The following ARVCF variants were observed in gnomAD, a reference collection of about 807,000 sequenced individuals.
ARVCF encodes the protein ARVCF delta catenin family member, also known as splicing regulator ARVCF.
In ARVCF, 66 loss-of-function variants were observed where a neutral mutation model predicts 90.9. That is an observed-to-expected ratio of 0.73 (90% CI 0.60 to 0.89). The LOEUF (loss-of-function observed/expected upper bound fraction) is 0.89, where lower values mean the gene tolerates loss of function less well. Ranked by LOEUF, ARVCF falls within the 40% of genes least tolerant of loss-of-function variation. The pLI is 0.00. For missense variants in ARVCF, 1,469 were observed against 1,382.3 expected (o/e 1.06, Z -1.00); for synonymous variants, 653 against 603.4 (o/e 1.08, Z -1.21).
chr22:20,000,370 AGGC>A (rs1321869869), intron 2 of ARVCF, among the ~76,000 whole-genome samples: 3 of 152,212 alleles, frequency 2.0e-5, no homozygotes, highest in Non-Finnish European at 2.9e-5. Flanking sequence ...CCATGGCAAC[AGGC>A]CTAGACACCA....
At chr22:20,007,299 G>C (rs1944665484) in intron 2 of ARVCF, among the ~76,000 whole-genome samples, 2 of 152,198 alleles carry the variant, frequency 1.3e-5, no homozygotes, top group African/African-American at 4.8e-5. Flanking sequence ...CTACTCGGGA[G>C]GTTGAGGCAG....
chr22:19,995,190 A>C (rs1421712928), intron 2 of ARVCF, among the ~76,000 whole-genome samples: 1 of 151,964 alleles, frequency 6.6e-6, no homozygotes, highest in Non-Finnish European at 1.5e-5. Context: ...TGGTTATATA[A>C]GAAAATGAGG....
At position 19,981,507 on chromosome 22, in the gene ARVCF, G is replaced by C. The variant is rs747983224; in HGVS notation, c.600C>G (p.Ser200Arg). The C allele has an allele frequency of 1.1e-5, 17 of 1,564,510 alleles. No individual in the cohort carries two copies. Among genetic ancestry groups the C allele is most frequent in the Admixed American group, 1.8e-5 (1 of 55,152 alleles). ...PEGPEPRDSP[S>R]YGSLSRGLGM... is the part of the protein sequence containing the mutation. Reference sequence around the variant, plus strand: ...CCAGCCCTCGGGACAGGCTGCCATAGCTGGGGCTGTCCCGGGGCTCGGGGC... The same window carrying C: ...CCAGCCCTCGGGACAGGCTGCCATACCTGGGGCTGTCCCGGGGCTCGGGGC... The change falls in exon 5 of 20, where the codon AGC (serine) becomes AGG (arginine). Residue 200 changes from serine (S) to arginine (R), a missense_variant. Transcript: ENST00000263207.
downstream of ARVCF, among the ~76,000 whole-genome samples, chr22:19,966,062 T>C (rs1942373637): frequency 6.6e-6 from 1 of 152,218 alleles, no homozygotes; most frequent in African/African-American, 2.4e-5. Context: ...GTAGCAAACA[T>C]TGCAGTTTAG....
chr22:19,997,149 G>A (rs369208301), intron 2 of ARVCF, among the ~76,000 whole-genome samples: 26 of 152,236 alleles, frequency 1.7e-4, no homozygotes, highest in Admixed American at 3.9e-4. Flanking sequence ...GGGCTGATAC[G>A]GAAGCTGGGG....
intron 3 of ARVCF, chr22:19,987,207 G>C: frequency 2.6e-6 from 1 of 389,314 alleles, no homozygotes; most frequent in Non-Finnish European, 4.6e-6. Context: ...GCTCCCCGCG[G>C]GGGCGGATCT....
chr22:19,987,360 G>T (rs1456249338), intron 3 of ARVCF, among the ~76,000 whole-genome samples: 1 of 66,700 alleles, frequency 1.5e-5, no homozygotes, highest in Non-Finnish European at 2.9e-5. Flanking sequence ...CTGCAGCCCC[G>T]GGTCGCCCCC....
chr22:19,978,119 A>G (rs750371204), intron 7 of ARVCF, 44 bp from the exon 8 acceptor site: 1 of 1,533,276 alleles, frequency 6.5e-7, no homozygotes. Flanking sequence ...GCTACCAGAA[A>G]CTCCCTGGCT....
intron 3 of ARVCF, among the ~76,000 whole-genome samples, chr22:19,988,189 G>A (rs115768037): frequency 0.012 from 1,785 of 152,196 alleles, 40 homozygotes; most frequent in African/African-American, 0.041. Context: ...GAGGCCACTC[G>A]GCTAGCATGC....
intron 6 of ARVCF, 34 bp from the exon 7 acceptor site, chr22:19,979,114 A>G (rs1429543937): frequency 2.5e-6 from 4 of 1,587,986 alleles, no homozygotes; most frequent in Admixed American, 3.4e-5. Context: ...TGTGCTGACC[A>G]TATGCACCGC....
At chr22:20,016,218 G>T (rs1045527426) in intron 1 of ARVCF, among the ~76,000 whole-genome samples, 2 of 152,222 alleles carry the variant, frequency 1.3e-5, no homozygotes, top group African/African-American at 4.8e-5. Flanking sequence ...CGGCTGCAGG[G>T]CCCTGGCAGC....
chr22:19,979,824 T>C lies in ARVCF; in HGVS notation c.1315A>G (p.Ile439Val), dbSNP rs1470856019. The part of the protein sequence containing the change: ...YGRDTDNKAA[I>V]RDCGGVPALV... ...GCAGGCACACCACCGCAGTCCCGGA[T>C]GGCGGCCTTGTTGTCAGTGTCGCGG... Residue 439 changes from isoleucine (I) to valine (V), a missense_variant, in exon 6 of 20, where the codon ATC (isoleucine) becomes GTC (valine). By Grantham distance (29) the Ile-to-Val change is conservative. Transcript: ENST00000263207. The C allele has an allele frequency of 1.9e-6, 3 of 1,609,860 alleles. No homozygotes were observed. The highest frequency in any genetic ancestry group is 8.5e-7 in the Non-Finnish European group (1 of 1,178,960).
Position 19,980,001 on chromosome 22 carries a change from C to A in ARVCF, c.1138G>T (p.Ala380Ser), listed in dbSNP as rs369029314. 9 of 1,594,722 alleles carry A rather than the reference C, an allele frequency of 5.6e-6. No homozygotes were observed. The African/African-American group carries it at 8.0e-5, about 14-fold the overall frequency. ...PVDPVKANAA[A>S]YLQHLCFENE... is the part of the protein sequence containing the mutation. ...TCAAAGCACAGATGCTGCAGGTAGG[C>A]GGCCGCATTGGCCTTCACGGGGTCC... Residue 380 changes from alanine to serine, a missense_variant, in exon 6 of 20, where the codon GCC becomes TCC. By Grantham distance (99) the Ala-to-Ser change is moderately conservative. Transcript: ENST00000263207.
chr22:19,995,793 C>T (rs111711037), intron 2 of ARVCF, among the ~76,000 whole-genome samples: 31 of 152,274 alleles, frequency 2.0e-4, no homozygotes, highest in African/African-American at 5.8e-4. Context: ...TGGCCCCCCC[C>T]TCGAGGGGAG....
At chr22:19,993,256 CCT>C (rs1234687595) in intron 2 of ARVCF, among the ~76,000 whole-genome samples, 3 of 152,202 alleles carry the variant, frequency 2.0e-5, no homozygotes, top group Non-Finnish European at 2.9e-5. Flanking sequence ...GGCCCACTCC[CCT>C]GACATGGTGG....
At position 19,977,443 on chromosome 22, in the gene ARVCF, G is replaced by A; in HGVS notation, c.1842C>T (p.Ala614=). The change falls in exon 9 of 20, where the codon GCC becomes GCT. Residue 614 remains alanine (A), a synonymous_variant. Transcript: ENST00000263207. ...VGSQRRRRDD[A]SCFGGKKAKE... ...TGGCCTTCTTGCCTCCAAAGCAGCTGGCATCATCCCGCCTCCGGCGCTGGG... is the reference window on the plus strand; with the variant it reads ...TGGCCTTCTTGCCTCCAAAGCAGCTAGCATCATCCCGCCTCCGGCGCTGGG... 1 of 1,549,168 alleles carries A rather than the reference G, an allele frequency of 6.5e-7. No homozygotes were observed. The highest frequency in any genetic ancestry group is 8.7e-7 in the Non-Finnish European group (1 of 1,146,724).
chr22:19,973,792 C>G lies in ARVCF; in HGVS notation c.2090G>C (p.Trp697Ser). The change falls in exon 13 of 20, where the codon TGG (tryptophan) becomes TCG (serine). Residue 697 changes from tryptophan to serine, a missense_variant and splice_region_variant. Coordinates refer to ENST00000263207, the MANE Select transcript of ARVCF (RefSeq NM_001670.3). ...CACTGTGGCGCGGATGTACGTGGCC[C>G]ACTGCGGAGGCGGGGAGAGGGTTGC... Reference protein sequence around the residue: ...LQNLSAGNWMWATYIRATVRK... With the variant: ...LQNLSAGNWMSATYIRATVRK... The G allele has an allele frequency of 6.2e-7, 1 of 1,603,786 alleles. No homozygotes were observed. The highest frequency in any genetic ancestry group is 8.5e-7 in the Non-Finnish European group (1 of 1,178,420).
rs1435518574 is a variant in ARVCF at position 19,980,199 on chromosome 22, C to T, written c.940G>A (p.Glu314Lys). Reference sequence around the variant, plus strand: ...GTCACCATTGGGAACGCAGGCCGCTCGTCCGCCAGCTCGCCGCCATCATCT... The same window carrying T: ...GTCACCATTGGGAACGCAGGCCGCTTGTCCGCCAGCTCGCCGCCATCATCT... ...TADDGGELAD[E>K]RPAFPMVTAP... Residue 314 changes from glutamate to lysine, a missense_variant, in exon 6 of 20, where the codon GAG becomes AAG. Transcript: ENST00000263207. 7 of 1,550,094 alleles carry T rather than the reference C, an allele frequency of 4.5e-6. No homozygotes were observed. Among genetic ancestry groups the T allele is most frequent in the South Asian group, 2.4e-5 (2 of 84,674 alleles).
rs1289245501 is a variant in ARVCF, at chr22:19,970,726, A to AGAGGCT, written c.*24_*29dup. On this transcript the variant is annotated 3_prime_UTR_variant, in exon 20 of 20. Transcript: ENST00000263207. ...TTCCACGATCCAAGCCCTAAGAACAAGAGGCTGGGCCTGGGCCCTGCAGAG... is the reference window on the plus strand; with the variant it reads ...TTCCACGATCCAAGCCCTAAGAACAAGAGGCTGAGGCTGGGCCTGGGCCCTGCAGAG... 2.3e-6 allele frequency: 3 copies of AGAGGCT among 1,286,582 alleles called. No homozygotes were observed. The highest frequency in any genetic ancestry group is 1.5e-5 in the African/African-American group (1 of 64,986). The allele number at this position is 1,286,582 out of a possible 1,614,324, so 79.7% of individuals were successfully genotyped here.
Sources: allele counts gnomAD v4.1 joint callset (sites outside exome capture counted in the v4.1 genomes callset), GRCh38; gene constraint gnomAD v4.1.1; transcripts MANE v1.5; gene names NCBI Gene and HGNC (gene_info 2026-07-23, HGNC 2026-07-21).